Variants in KYNU observed in about 807,000 individuals in gnomAD.
The protein encoded by KYNU is kynureninase, also known as L-kynurenine hydrolase.
A neutral mutation model predicts 59.2 loss-of-function variants in KYNU; 54 were observed. The ratio of observed to expected loss-of-function variants is 0.91; its 90% CI spans 0.73 to 1.14. KYNU has a LOEUF of 1.14. Among genes scored for constraint, KYNU ranks in the 50% most tolerant of loss-of-function variants. KYNU has a pLI of 0.00. For synonymous variants in KYNU, 177 were observed against 192.0 expected (o/e 0.92, Z 0.65); for missense variants, 567 against 554.4 (o/e 1.02, Z -0.23).
At chr2:143,036,094 A>G (rs1214990408) in intron 12 of KYNU, among the ~76,000 whole-genome samples, 1 of 151,918 alleles carries the variant, frequency 6.6e-6, no homozygotes, top group Non-Finnish European at 1.5e-5. Context: ...AGGTCTGGCT[A>G]TGTTGTCCAC....
At chr2:143,041,245 T>A (rs1427927451) in intron 13 of KYNU, among the ~76,000 whole-genome samples, 1 of 152,048 alleles carries the variant, frequency 6.6e-6, no homozygotes, top group Admixed American at 6.6e-5. Flanking sequence ...GGAAAAAAGA[T>A]AATGTATCTA....
chr2:143,040,089 G>A (rs1686993602), intron 12 of KYNU, among the ~76,000 whole-genome samples: 2 of 152,014 alleles, frequency 1.3e-5, no homozygotes, highest in Admixed American at 1.3e-4. Flanking sequence ...AATATTTAAT[G>A]TAACCACTCG....
chr2:142,887,974 TACATATAATC>T (rs1030586396), intron 2 of KYNU, among the ~76,000 whole-genome samples: 7 of 152,226 alleles, frequency 4.6e-5, no homozygotes, highest in Non-Finnish European at 7.3e-5. Flanking sequence ...AGCAGCATTG[TACATATAATC>T]ACTTCTGTTA....
intron 10 of KYNU, chr2:142,989,803 G>A (rs1396108725): frequency 6.6e-6 from 1 of 151,846 alleles, no homozygotes; most frequent in African/African-American, 2.4e-5. Context: ...TGACCCACCT[G>A]GTGTAGAGAG....
At chr2:143,034,474 G>T (rs1471945200) in intron 12 of KYNU, among the ~76,000 whole-genome samples, 1 of 152,140 alleles carries the variant, frequency 6.6e-6, no homozygotes, top group Non-Finnish European at 1.5e-5. Context: ...GCAGCATCAA[G>T]TTCCTCTGTT....
intron 10 of KYNU, among the ~76,000 whole-genome samples, chr2:143,022,511 C>T (rs892497137): frequency 1.3e-5 from 2 of 151,810 alleles, no homozygotes; most frequent in African/African-American, 4.8e-5. Context: ...AATAGCATCA[C>T]AAAAAATGAT....
chr2:142,979,924 T>C (rs141490322), intron 8 of KYNU, among the ~76,000 whole-genome samples: 3 of 152,136 alleles, frequency 2.0e-5, no homozygotes. Flanking sequence ...GCAAGTTTAT[T>C]AAGAAAGTAA....
intron 8 of KYNU, among the ~76,000 whole-genome samples, chr2:142,977,521 C>G (rs1684929980): frequency 6.6e-6 from 1 of 151,922 alleles, no homozygotes; most frequent in African/African-American, 2.4e-5. Context: ...GACATGATTT[C>G]TACTAAATTT....
intron 7 of KYNU, 84 bp from the exon 8 acceptor site, chr2:142,960,540 C>T (rs1435736892): frequency 1.5e-6 from 2 of 1,297,824 alleles, no homozygotes; most frequent in Non-Finnish European, 2.2e-6. Context: ...TGCAAAAGGG[C>T]TCACGGTGAA....
chr2:142,979,228 T>C (rs1011608006), intron 8 of KYNU, among the ~76,000 whole-genome samples: 2 of 152,198 alleles, frequency 1.3e-5, no homozygotes, highest in African/African-American at 4.8e-5. Flanking sequence ...TTCTAAAAGA[T>C]GTCATTTCTG....
chr2:142,976,807 T>A (rs1028854579), intron 8 of KYNU, among the ~76,000 whole-genome samples: 1 of 152,098 alleles, frequency 6.6e-6, no homozygotes, highest in African/African-American at 2.4e-5. Context: ...TAGGGAGACA[T>A]AATACATCAG....
At chr2:142,994,269 C>G (rs1685478018) in intron 10 of KYNU, among the ~76,000 whole-genome samples, 1 of 151,946 alleles carries the variant, frequency 6.6e-6, no homozygotes, top group South Asian at 2.1e-4. Context: ...AGACCAGGTA[C>G]CAAGTCCTGG....
intron 10 of KYNU, among the ~76,000 whole-genome samples, chr2:143,022,353 C>A (rs1199604967): frequency 1.3e-5 from 2 of 151,260 alleles, no homozygotes; most frequent in African/African-American, 4.9e-5. Flanking sequence ...TAGTATAGAC[C>A]CATTTTTGCT....
chr2:142,897,197 T>C (rs1573761256), intron 2 of KYNU, among the ~76,000 whole-genome samples: 2 of 152,226 alleles, frequency 1.3e-5, no homozygotes, highest in African/African-American at 4.8e-5. Context: ...TTTAAAATAA[T>C]ATTTATTCTG....
At chr2:142,947,396 A>G (rs1683827001) in intron 4 of KYNU, 3 of 656,544 alleles carry the variant, frequency 4.6e-6, no homozygotes, top group Non-Finnish European at 4.9e-6. Flanking sequence ...AGTTGAAGAC[A>G]TCGGAATAAA....
chr2:142,948,559 A>G (rs1683876835), intron 4 of KYNU, among the ~76,000 whole-genome samples: 1 of 152,194 alleles, frequency 6.6e-6, no homozygotes, highest in Non-Finnish European at 1.5e-5. Context: ...TCTTATGTGG[A>G]TGGCGACAGG....
chr2:142,901,046 C>G (rs1263669615), intron 2 of KYNU, among the ~76,000 whole-genome samples: 1 of 131,118 alleles, frequency 7.6e-6, no homozygotes, highest in African/African-American at 3.0e-5. Flanking sequence ...GAGCGAGACT[C>G]CATCTCAAAA....
chr2:142,916,610 C>T (rs1024601627), intron 2 of KYNU, among the ~76,000 whole-genome samples: 1 of 152,174 alleles, frequency 6.6e-6, no homozygotes, highest in Non-Finnish European at 1.5e-5. Context: ...ATCCCCAGAT[C>T]ATGACACCTC....
chr2:143,018,485 T>C (rs352929), intron 10 of KYNU, among the ~76,000 whole-genome samples: 145,554 of 152,264 alleles, frequency 0.96, 69,628 homozygotes, highest in East Asian at 1. Context: ...TGTCCTGTCC[T>C]ATTGGTCTAT....
Sources: allele counts gnomAD v4.1 joint callset (sites outside exome capture counted in the v4.1 genomes callset), GRCh38; gene constraint gnomAD v4.1.1; transcripts MANE v1.5; gene names NCBI Gene and HGNC (gene_info 2026-07-23, HGNC 2026-07-21).